The following DCK variants were observed in gnomAD, a reference collection of about 807,000 sequenced individuals.
DCK encodes the protein deoxyadenosine kinase.
In DCK, 23 loss-of-function variants were observed where a neutral mutation model predicts 38.3. The observed-to-expected ratio is 0.60, with a 90% CI of 0.43 to 0.85. The LOEUF (loss-of-function observed/expected upper bound fraction) is 0.85. Ranked by LOEUF, DCK falls within the 40% of genes least tolerant of loss-of-function variation. The pLI is 0.00. For synonymous variants in DCK, 108 were observed against 100.6 expected, an observed-to-expected ratio of 1.07 and a Z score of -0.44; for missense variants, 259 against 304.4, an observed-to-expected ratio of 0.85 and a Z score of 1.11.
In DCK at chr4:70,993,807, C is replaced by A. The variant is rs200834004; in HGVS notation, c.-29C>A. 88 of 1,552,500 alleles carry A rather than the reference C, an allele frequency of 5.7e-5. 1 individual carries two copies. The Admixed American group carries it at 1.2e-3, about 20-fold the overall frequency. On this transcript the variant is annotated 5_prime_UTR_variant, in exon 1 of 7. Coordinates refer to ENST00000286648, the MANE Select transcript of DCK (RefSeq NM_000788.3). ...CCGCCTCCCAGCCCTCTTTGCCGGA[C>A]GAGCTCTGGGCCGCCACAAGACTAA...
chr4:71,000,379 A>G (rs572098030), intron 2 of DCK, among the ~76,000 whole-genome samples: 8 of 152,252 alleles, frequency 5.3e-5, no homozygotes, highest in Middle Eastern at 3.4e-3. Flanking sequence ...CCATTGGTCT[A>G]TAGCTCTGTT....
intron 2 of DCK, among the ~76,000 whole-genome samples, chr4:71,007,528 G>A (rs1739975882): frequency 6.6e-6 from 1 of 152,072 alleles, no homozygotes; most frequent in South Asian, 2.1e-4. Context: ...CCTAAAAATT[G>A]TTTGAGCATA....
intron 2 of DCK, among the ~76,000 whole-genome samples, chr4:71,009,552 C>T (rs1578422495): frequency 6.6e-6 from 1 of 152,152 alleles, no homozygotes; most frequent in African/African-American, 2.4e-5. Context: ...ATTCAGAATG[C>T]CAAACTGGCC....
Position 71,029,346 on chromosome 4 carries a change from C to T in DCK, c.757-6C>T, listed in dbSNP as rs779121057. 3.8e-6 allele frequency: 6 copies of T among 1,585,962 alleles called. No individual in the cohort carries two copies. The highest frequency in any genetic ancestry group is 3.4e-6 in the Non-Finnish European group (4 of 1,165,476). On this transcript the variant is annotated splice_polypyrimidine_tract_variant and splice_region_variant and intron_variant, in intron 6 of 6. Coordinates refer to ENST00000286648, the MANE Select transcript of DCK (RefSeq NM_000788.3). ...TATACTGATTTTTTTTTCTTCCTTT[C>T]CTCAGGTCAAAGAGTTTTTGAGTAC... is the stretch of plus-strand genomic sequence containing the variant.
rs566809852 is a variant in DCK at position 70,999,434 on chromosome 4, G to A, written c.207+1252G>A. ...TCCAGTCTATCATTGATGGGCATTTGGGTTGGTTCCAAGTCTTTGCTATTG... is the reference window on the plus strand; with the variant it reads ...TCCAGTCTATCATTGATGGGCATTTAGGTTGGTTCCAAGTCTTTGCTATTG... On this transcript the variant is annotated intron_variant, in intron 2 of 6. Coordinates refer to ENST00000286648, the MANE Select transcript of DCK (RefSeq NM_000788.3). Among the ~76,000 whole-genome samples, 3 of 152,282 alleles carry A rather than the reference G, an allele frequency of 2.0e-5. No individual in the cohort carries two copies. The East Asian group carries it at 5.8e-4, about 29-fold the overall frequency.
At position 70,998,214 on chromosome 4, in the gene DCK, C is replaced by T. The variant is rs778365708; in HGVS notation, c.207+32C>T. On this transcript the variant is annotated intron_variant, in intron 2 of 6. Coordinates refer to ENST00000286648, the MANE Select transcript of DCK (RefSeq NM_000788.3). ...AAATAAAATTTAAGTAGATAAAAGC[C>T]TCTTGGTTTAGAGGAGCAGTAGTAC... 8.0e-6 allele frequency: 9 copies of T among 1,125,562 alleles called. No homozygotes were observed. The Admixed American group carries it at 1.2e-4, about 15-fold the overall frequency. 69.7% of individuals were successfully genotyped at this position (1,125,562 alleles called of 1,614,324 possible). A position where few individuals can be genotyped will look rare whatever the true frequency, so the allele number is the denominator to read the frequency against.
In DCK at chr4:71,008,221, C is replaced by T. The variant is rs527738226; in HGVS notation, c.207+10039C>T. On this transcript the variant is annotated intron_variant, in intron 2 of 6. Coordinates refer to ENST00000286648, the MANE Select transcript of DCK (RefSeq NM_000788.3). ...ATGCTTATGATGCCTGTTTTCCAAA[C>T]TGGCTTTCCAATTTTCTCTCCCCCC... 2.0e-5 allele frequency among the ~76,000 whole-genome samples: 3 copies of T among 152,324 alleles called. No individual in the cohort carries two copies. In the South Asian group the frequency reaches 6.2e-4, roughly 32 times the overall value.
intron 2 of DCK, among the ~76,000 whole-genome samples, chr4:71,018,666 ATTTT>A (rs11315015): frequency 9.6e-5 from 8 of 83,314 alleles, no homozygotes; most frequent in Admixed American, 1.3e-4. Context: ...TATTTTTTAG[ATTTT>A]TTTTTTTTTT....
rs1740649635 is a variant in DCK at position 71,030,123 on chromosome 4, T to C, written c.*745T>C. ...GATAAAAATGATATTGCTCTATATG[T>C]AATATATCCTGAAAGCATTATTTTT... On this transcript the variant is annotated 3_prime_UTR_variant, in exon 7 of 7. Coordinates refer to ENST00000286648, the MANE Select transcript of DCK (RefSeq NM_000788.3). 1 of 152,674 alleles carries C rather than the reference T, an allele frequency of 6.5e-6. No individual in the cohort carries two copies. The highest frequency in any genetic ancestry group is 1.5e-5 in the Non-Finnish European group (1 of 68,034). The allele number at this position is 152,674 out of a possible 1,614,324, so 9.5% of individuals were successfully genotyped here.
chr4:71,025,499 C>A (rs970122688), intron 4 of DCK, among the ~76,000 whole-genome samples: 2 of 152,046 alleles, frequency 1.3e-5, no homozygotes, highest in African/African-American at 2.4e-5. Context: ...GATTGGCATA[C>A]CTTTTAGCTG....
In DCK at chr4:71,022,402, T is replaced by C. The variant is rs1377467197; in HGVS notation, c.243T>C (p.Val81=). 2.6e-6 allele frequency: 4 copies of C among 1,557,826 alleles called. No homozygotes were observed. The South Asian group carries it at 4.9e-5, about 19-fold the overall frequency. The change falls in exon 3 of 7, where the codon GTT becomes GTC. Residue 81 remains valine, a synonymous_variant. Transcript: ENST00000286648. ...TGTCTCAGAAAAATGGTGGGAATGT[T>C]CTTCAGATGATGTATGAGAAACCTG... ...LTMSQKNGGN[V]LQMMYEKPER...
At chr4:71,026,524 A>T (rs1578431017) in intron 5 of DCK, 141 bp from the exon 6 acceptor site, 1 of 621,026 alleles carries the variant, frequency 1.6e-6, no homozygotes. Flanking sequence ...AGGGGCTGCC[A>T]GATGAAGTAC....
intron 2 of DCK, among the ~76,000 whole-genome samples, chr4:71,003,053 G>A (rs1368828738): frequency 1.3e-5 from 2 of 152,072 alleles, no homozygotes; most frequent in Non-Finnish European, 2.9e-5. Flanking sequence ...TCATAGTGTC[G>A]ATGGTCTTTA....
chr4:71,015,584 C>T (rs1740239888), intron 2 of DCK, among the ~76,000 whole-genome samples: 1 of 152,162 alleles, frequency 6.6e-6, no homozygotes, highest in Admixed American at 6.5e-5. Context: ...GCTTATCCAC[C>T]ATGATCAATT....
chr4:70,998,137 T>A lies in DCK; in HGVS notation c.162T>A (p.Pro54=). 1 of 1,607,742 alleles carries A rather than the reference T, an allele frequency of 6.2e-7. No individual in the cohort carries two copies. Among genetic ancestry groups the A allele is most frequent in the Non-Finnish European group, 8.5e-7 (1 of 1,175,726 alleles). ...LCEDWEVVPE[P]VARWCNVQST... Reference sequence around the variant, plus strand: ...AAGATTGGGAAGTGGTTCCTGAACCTGTTGCCAGATGGTGCAATGTTCAAA... The same window carrying A: ...AAGATTGGGAAGTGGTTCCTGAACCAGTTGCCAGATGGTGCAATGTTCAAA... The change falls in exon 2 of 7, where the codon CCT becomes CCA. Residue 54 remains proline, a synonymous_variant. Coordinates refer to ENST00000286648, the MANE Select transcript of DCK (RefSeq NM_000788.3).
At chr4:71,025,660 T>C (rs1740530382) in intron 4 of DCK, among the ~76,000 whole-genome samples, 156 bp from the exon 5 acceptor site, 1 of 152,032 alleles carries the variant, frequency 6.6e-6, no homozygotes, top group Non-Finnish European at 1.5e-5. Context: ...GAAAAGCTCA[T>C]GGAGGGAAAA....
At position 70,994,180 on chromosome 4, in the gene DCK, G is replaced by T. The variant is rs111402794; in HGVS notation, c.91+254G>T. ...TCTGTGAGGCGCGCTTTGAACCTCTGCTCCCTCTTTGTTGGGAACTCGCAA... is the reference window on the plus strand; with the variant it reads ...TCTGTGAGGCGCGCTTTGAACCTCTTCTCCCTCTTTGTTGGGAACTCGCAA... On this transcript the variant is annotated intron_variant, in intron 1 of 6. Transcript: ENST00000286648. Among the ~76,000 whole-genome samples the T allele has an allele frequency of 7.3e-3, 1,108 of 152,336 alleles. 13 individuals are homozygous for T. Among genetic ancestry groups the T allele is most frequent in the African/African-American group, 0.026 (1,071 of 41,576 alleles).
chr4:71,000,608 G>A (rs1739778657), intron 2 of DCK, among the ~76,000 whole-genome samples: 1 of 152,104 alleles, frequency 6.6e-6, no homozygotes, highest in East Asian at 1.9e-4. Context: ...AAATTACTTT[G>A]GGCAGTATGG....
chr4:71,025,629 G>A (rs185764315), intron 4 of DCK, among the ~76,000 whole-genome samples, 187 bp from the exon 5 acceptor site: 24 of 152,108 alleles, frequency 1.6e-4, no homozygotes, highest in Admixed American at 3.3e-4. Context: ...GTACTGCTTG[G>A]CTTAGAGCCA....
Sources: allele counts gnomAD v4.1 joint callset (sites outside exome capture counted in the v4.1 genomes callset), GRCh38; gene constraint gnomAD v4.1.1; transcripts MANE v1.5; gene names NCBI Gene and HGNC (gene_info 2026-07-23, HGNC 2026-07-21).